PKHD1L1: variants seen among roughly 807,000 people sequenced by gnomAD.
PKHD1L1 encodes the protein PKHD1 like 1.
A neutral mutation model predicts 462.9 loss-of-function variants in PKHD1L1; 434 were observed. The ratio of observed to expected loss-of-function variants is 0.94; its 90% CI spans 0.87 to 1.02. The LOEUF (loss-of-function observed/expected upper bound fraction) is 1.02. Ranked by LOEUF, PKHD1L1 falls within the 50% of genes least tolerant of loss-of-function variation. The probability of loss-of-function intolerance (pLI) is 0.00; values close to 1 mark genes in which losing one functional copy is unlikely to be tolerated. For missense variants in PKHD1L1, 5,202 were observed against 5,096.1 expected, an observed-to-expected ratio of 1.02 and a Z score of -0.63; for synonymous variants, 1,781 against 1,750.0, an observed-to-expected ratio of 1.02 and a Z score of -0.44.
At chr8:109,457,988 CT>C (rs1374565856) in intron 46 of PKHD1L1, among the ~76,000 whole-genome samples, 2 of 152,020 alleles carry the variant, frequency 1.3e-5, no homozygotes, top group Non-Finnish European at 2.9e-5. Flanking sequence ...TTCCCTCTAT[CT>C]TTTGGAATGA....
chr8:109,466,763 T>G lies in PKHD1L1; in HGVS notation c.8599T>G (p.Ser2867Ala). 6.2e-7 allele frequency: 1 copy of G among 1,610,506 alleles called. No individual in the cohort carries two copies. The highest frequency in any genetic ancestry group is 1.1e-5 in the South Asian group (1 of 90,360). The change falls in exon 50 of 78, where the codon TCT becomes GCT. Residue 2867 changes from serine to alanine, a missense_variant. Physicochemically the swap from Ser to Ala is moderately conservative, Grantham distance 99. Around this residue, in one of 3 missense-constraint regions of PKHD1L1, gnomAD observed 4,497 missense variants for 4,336.8 expected, o/e 1.04. Coordinates refer to ENST00000378402, the MANE Select transcript of PKHD1L1 (RefSeq NM_177531.6). The stretch of plus-strand genomic sequence containing the variant: ...TGAAAAGGATGTGGTTCTTTCAGAC[T>G]CTTTTGGTAAGTGGAATATATTAGT... ...LLEKDVVLSD[S>A]FGTSIIPFQK...
chr8:109,413,282 C>G, intron 20 of PKHD1L1, 139 bp from the exon 21 acceptor site: 1 of 586,508 alleles, frequency 1.7e-6, no homozygotes, highest in Non-Finnish European at 2.6e-6. Flanking sequence ...TGAAATTAAT[C>G]ATTTATTTCT....
At chr8:109,425,335 A>T in intron 24 of PKHD1L1, 103 bp downstream of exon 24, 5 of 704,926 alleles carry the variant, frequency 7.1e-6, no homozygotes, top group Non-Finnish European at 1.0e-5. Context: ...ACTTATTGAT[A>T]CATACAAATA....
intron 18 of PKHD1L1, 43 bp downstream of exon 18, chr8:109,408,249 C>T (rs1320721535): frequency 6.5e-6 from 10 of 1,533,938 alleles, no homozygotes; most frequent in South Asian, 2.5e-5. Flanking sequence ...TCCCTGCACC[C>T]TCTCACATCA....
In PKHD1L1 at chr8:109,445,450, A is replaced by G; in HGVS notation, c.5581A>G (p.Thr1861Ala). ...AGGAAATGGCTTCTATCCAGGCAAC[A>G]CTACAGTCACTATTGGGGATGAACC... Reference protein sequence around the residue: ...ITGNGFYPGNTTVTIGDEPCQ... With the variant: ...ITGNGFYPGNATVTIGDEPCQ... Residue 1861 changes from threonine (T) to alanine (A), a missense_variant, in exon 38 of 78, where the codon ACT becomes GCT. Coordinates refer to ENST00000378402, the MANE Select transcript of PKHD1L1 (RefSeq NM_177531.6). 6.2e-7 allele frequency: 1 copy of G among 1,614,000 alleles called. No homozygotes were observed. Among genetic ancestry groups the G allele is most frequent in the South Asian group, 1.1e-5 (1 of 91,078 alleles).
At chr8:109,523,676 A>C (rs1468190174) in intron 76 of PKHD1L1, among the ~76,000 whole-genome samples, 1 of 152,224 alleles carries the variant, frequency 6.6e-6, no homozygotes, top group East Asian at 1.9e-4. Flanking sequence ...ATTTATAGTA[A>C]GAAAAATTAA....
At chr8:109,523,447 C>A in intron 76 of PKHD1L1, 61 bp downstream of exon 76, 2 of 1,433,818 alleles carry the variant, frequency 1.4e-6, no homozygotes, top group South Asian at 1.4e-5. Context: ...TTATAATGTT[C>A]TTTTAATGAA....
intron 50 of PKHD1L1, chr8:109,470,454 A>T: frequency 6.2e-7 from 1 of 1,603,074 alleles, no homozygotes. Context: ...AAAGGAATGG[A>T]TTGGTTAAAG....
chr8:109,413,960 G>A (rs907010972), intron 21 of PKHD1L1, among the ~76,000 whole-genome samples: 2 of 152,060 alleles, frequency 1.3e-5, no homozygotes, highest in Non-Finnish European at 2.9e-5. Context: ...TTGAAATAAT[G>A]CTTGCTGTGC....
Position 109,476,514 on chromosome 8 carries a change from G to C in PKHD1L1, c.8764G>C (p.Asp2922His). Residue 2922 changes from aspartate (D) to histidine (H), a missense_variant, in exon 52 of 78, where the codon GAC (aspartate) becomes CAC (histidine). Physicochemically the swap from Asp to His is moderately conservative, Grantham distance 81. This residue lies in a region of PKHD1L1 where 4,497 missense variants were observed against 4,336.8 expected (regional missense o/e 1.04). Coordinates refer to ENST00000378402, the MANE Select transcript of PKHD1L1 (RefSeq NM_177531.6). ...TTTCTATAAACTTTTATAGGAAGAAGACTATGTAATTATATCACATAACTT... is the reference window on the plus strand; with the variant it reads ...TTTCTATAAACTTTTATAGGAAGAACACTATGTAATTATATCACATAACTT... ...TSTFYGFKEEDYVIISHNFTQ... is the reference protein window; with the variant it reads ...TSTFYGFKEEHYVIISHNFTQ... The C allele has an allele frequency of 6.8e-7, 1 of 1,467,840 alleles. No homozygotes were observed. The highest frequency in any genetic ancestry group is 1.4e-5 in the African/African-American group (1 of 70,844). 90.9% of individuals were successfully genotyped at this position (1,467,840 alleles called of 1,614,324 possible).
At chr8:109,509,699 T>C (rs1819873421) in intron 70 of PKHD1L1, among the ~76,000 whole-genome samples, 2 of 151,948 alleles carry the variant, frequency 1.3e-5, no homozygotes, top group Non-Finnish European at 2.9e-5. Flanking sequence ...TATTTCTTTA[T>C]GTTTGTTTTC....
intron 21 of PKHD1L1, among the ~76,000 whole-genome samples, chr8:109,414,217 A>T (rs1480373003): frequency 1.3e-5 from 2 of 152,206 alleles, no homozygotes; most frequent in Non-Finnish European, 2.9e-5. Context: ...AGCAATAGTG[A>T]AGACATACAC....
intron 50 of PKHD1L1, among the ~76,000 whole-genome samples, chr8:109,471,784 T>C (rs1817736445): frequency 6.6e-6 from 1 of 152,236 alleles, no homozygotes. Context: ...CATCACATCT[T>C]ATTTATTTTA....
intron 27 of PKHD1L1, among the ~76,000 whole-genome samples, chr8:109,432,467 G>A (rs192461412): frequency 7.2e-5 from 11 of 152,230 alleles, no homozygotes; most frequent in African/African-American, 2.4e-4. Flanking sequence ...TGTTACGTAA[G>A]TAGGGTGATC....
In PKHD1L1 at chr8:109,481,499, G is replaced by A. The variant is rs527669591; in HGVS notation, c.9394G>A (p.Gly3132Arg). The part of the protein sequence containing the change: ...FKGDLKIVLR[G>R]NHTTQDWALP... ...AGGAGACTTAAAGATTGTTCTTAGA[G>A]GAAATCATACTACACAAGACTGGGC... Residue 3132 changes from glycine (G) to arginine (R), a missense_variant, in exon 56 of 78, where the codon GGA (glycine) becomes AGA (arginine). By Grantham distance (125) the Gly-to-Arg change is moderately radical. This residue lies in a region of PKHD1L1 where 4,497 missense variants were observed against 4,336.8 expected (regional missense o/e 1.04). Transcript: ENST00000378402. The A allele has an allele frequency of 1.3e-6, 2 of 1,596,858 alleles. No homozygotes were observed. Among genetic ancestry groups the A allele is most frequent in the Non-Finnish European group, 1.7e-6 (2 of 1,170,730 alleles).
intron 19 of PKHD1L1, 129 bp from the exon 20 acceptor site, chr8:109,412,136 C>A: frequency 1.2e-6 from 1 of 822,576 alleles, no homozygotes; most frequent in South Asian, 2.2e-5. Context: ...AGGAAGAAAA[C>A]ATCTAAAGTT....
chr8:109,398,913 G>A (rs1202451063), intron 12 of PKHD1L1, among the ~76,000 whole-genome samples: 1 of 151,998 alleles, frequency 6.6e-6, no homozygotes, highest in African/African-American at 2.4e-5. Flanking sequence ...AAGATAAATA[G>A]GGGAAGTTAA....
intron 2 of PKHD1L1, among the ~76,000 whole-genome samples, chr8:109,370,882 C>A (rs1459069354): frequency 2.0e-5 from 3 of 152,126 alleles, no homozygotes; most frequent in Admixed American, 6.5e-5. Context: ...TGTATATGTG[C>A]CACATTTTCT....
intron 61 of PKHD1L1, 42 bp from the exon 62 acceptor site, chr8:109,491,831 G>A: frequency 6.6e-7 from 1 of 1,513,752 alleles, no homozygotes; most frequent in Non-Finnish European, 9.0e-7. Context: ...ATTGACTTAT[G>A]TTTTTTGGGG....
Sources: allele counts gnomAD v4.1 joint callset (sites outside exome capture counted in the v4.1 genomes callset), GRCh38; gene constraint gnomAD v4.1.1; regional missense constraint gnomAD v4.1.1; transcripts MANE v1.5; gene names NCBI Gene and HGNC (gene_info 2026-07-23, HGNC 2026-07-21).